CHD3: variants seen among roughly 807,000 people sequenced by gnomAD.
CHD3 encodes the protein ATP-dependent chromatin remodeler CHD3.
In CHD3, 52 loss-of-function variants were observed where a neutral mutation model predicts 248.9. The ratio of observed to expected loss-of-function variants is 0.21; its 90% CI spans 0.17 to 0.26. CHD3 has a LOEUF of 0.26. Ranked by LOEUF, CHD3 falls within the 10% of genes least tolerant of loss-of-function variation. The probability of loss-of-function intolerance (pLI) is 1.00; values close to 1 mark genes in which losing one functional copy is unlikely to be tolerated. For synonymous variants in CHD3, 985 were observed against 985.2 expected (o/e 1.00, Z 0.00); for missense variants, 1,482 against 2,605.8 (o/e 0.57, Z 9.39).
chr17:7,891,196 C>T (rs1750618872), intron 4 of CHD3, 132 bp downstream of exon 4: 2 of 1,075,296 alleles, frequency 1.9e-6, no homozygotes, highest in African/African-American at 3.2e-5. Context: ...CCAAATTCTA[C>T]ACGTCATTTC....
intron 10 of CHD3, among the ~76,000 whole-genome samples, chr17:7,896,227 CAAAAAAAAAAAAA>C (rs750972677): frequency 3.5e-5 from 2 of 57,928 alleles, no homozygotes; most frequent in South Asian, 6.0e-4. Flanking sequence ...CACTCTATCT[CAAAAAAAAAAAAA>C]AAAAAAAAAA....
chr17:7,906,479 C>G lies in CHD3; in HGVS notation c.4359-74C>G. 6.5e-7 allele frequency: 1 copy of G among 1,531,858 alleles called. No homozygotes were observed. Among genetic ancestry groups the G allele is most frequent in the African/African-American group, 1.4e-5 (1 of 73,006 alleles). The allele number at this position is 1,531,858 out of a possible 1,614,324, so 94.9% of individuals were successfully genotyped here. A position where few individuals can be genotyped will look rare whatever the true frequency, so the allele number is the denominator to read the frequency against. On this transcript the variant is annotated intron_variant, in intron 28 of 39. Transcript: ENST00000330494. This position sits in a 1 kb window ranked among gnomAD's most constrained non-coding sequence, Gnocchi z 5.0. ...TGGGGGTTTGGGGGTCCTCAGTCAT[C>G]CTCGCGCCTCCCTCACTGCCCTATA... is the stretch of plus-strand genomic sequence containing the variant.
In CHD3 at chr17:7,905,182, T is replaced by C. The variant is rs377142121; in HGVS notation, c.4138+17T>C. Reference sequence around the variant, plus strand: ...GTCCTGAAGGTGGCATCTGTGTTCCTGACTCTACCTCACCTCTTCCCGTTT... The same window carrying C: ...GTCCTGAAGGTGGCATCTGTGTTCCCGACTCTACCTCACCTCTTCCCGTTT... On this transcript the variant is annotated intron_variant, in intron 26 of 39. Coordinates refer to ENST00000330494, the MANE Select transcript of CHD3 (RefSeq NM_001005273.3). The surrounding 1 kb of genome is among the most constrained non-coding windows in gnomAD (Gnocchi z 5.8). The C allele has an allele frequency of 2.8e-5, 45 of 1,610,232 alleles. No homozygotes were observed. The Admixed American group carries it at 4.3e-4, about 16-fold the overall frequency.
At position 7,895,547 on chromosome 17, in the gene CHD3, T is replaced by C. The variant is rs1259066717; in HGVS notation, c.1707+5T>C. On this transcript the variant is annotated splice_donor_5th_base_variant and intron_variant, in intron 10 of 39. Coordinates refer to ENST00000330494, the MANE Select transcript of CHD3 (RefSeq NM_001005273.3). The surrounding 1 kb of genome is among the most constrained non-coding windows in gnomAD (Gnocchi z 4.9). The stretch of plus-strand genomic sequence containing the variant: ...TCCTGGGCCAAGGAGCTTCAGGTAC[T>C]AGGACCTTTTCTTTCCCTCTCCCCC... 4 of 1,613,010 alleles carry C rather than the reference T, an allele frequency of 2.5e-6. No homozygotes were observed. Among genetic ancestry groups the C allele is most frequent in the East Asian group, 4.5e-5 (2 of 44,878 alleles).
chr17:7,905,265 G>T lies in CHD3; in HGVS notation c.4138+100G>T. 10 of 1,143,440 alleles carry T rather than the reference G, an allele frequency of 8.7e-6. No individual in the cohort carries two copies. The highest frequency in any genetic ancestry group is 1.2e-5 in the Non-Finnish European group (9 of 761,052). 70.8% of individuals were successfully genotyped at this position (1,143,440 alleles called of 1,614,324 possible). Reference sequence around the variant, plus strand: ...TATACAAGTAAAAAAGTCTTCGTGTGTGTGTGGAAAAACTCGATTGCAGAT... The same window carrying T: ...TATACAAGTAAAAAAGTCTTCGTGTTTGTGTGGAAAAACTCGATTGCAGAT... On this transcript the variant is annotated intron_variant, in intron 26 of 39. Transcript: ENST00000330494. This position sits in a 1 kb window ranked among gnomAD's most constrained non-coding sequence, Gnocchi z 5.8.
rs777609556 is a variant in CHD3, at chr17:7,906,189, G to A, written c.4358+200G>A. 2 of 869,652 alleles carry A rather than the reference G, an allele frequency of 2.3e-6. No individual in the cohort carries two copies. The highest frequency in any genetic ancestry group is 3.9e-6 in the Non-Finnish European group (2 of 515,232). The allele number at this position is 869,652 out of a possible 1,614,324, so 53.9% of individuals were successfully genotyped here. A position where few individuals can be genotyped will look rare whatever the true frequency, so the allele number is the denominator to read the frequency against. On this transcript the variant is annotated intron_variant, in intron 28 of 39. Transcript: ENST00000330494. This position sits in a 1 kb window ranked among gnomAD's most constrained non-coding sequence, Gnocchi z 5.0. ...CCCTCAGCCGAGCCTAGAGTAGAGGGGCCAGGCATCCTCCCCAGGGGAGGG... is the reference window on the plus strand; with the variant it reads ...CCCTCAGCCGAGCCTAGAGTAGAGGAGCCAGGCATCCTCCCCAGGGGAGGG...
chr17:7,885,319 GCCGCCGCCGCCGCCGCCGCCGCCGCCA>G (rs1251885467), upstream of CHD3: 10 of 153,426 alleles, frequency 6.5e-5, no homozygotes, highest in Admixed American at 4.7e-4. Flanking sequence ...CGCCGCCGCC[GCCGCCGCCGCCGCCGCCGCCGCCGCCA>G]CCCCGGCTGG....
chr17:7,898,556 G>A lies in CHD3; in HGVS notation c.2112G>A (p.Glu704=). 6.2e-7 allele frequency: 1 copy of A among 1,614,062 alleles called. No homozygotes were observed. Among genetic ancestry groups the A allele is most frequent in the Non-Finnish European group, 8.5e-7 (1 of 1,179,952 alleles). ...QPRKYKKKKK[E]LQGDGPPSSP... The stretch of plus-strand genomic sequence containing the variant: ...GCAAGTATAAGAAGAAGAAGAAGGA[G>A]CTACAGGGTGATGGGCCTCCCAGTT... Residue 704 remains glutamate, a synonymous_variant, in exon 13 of 40, where the codon GAG becomes GAA. Transcript: ENST00000330494.
In CHD3 at chr17:7,903,692, AC is replaced by A. The variant is rs1190059555; in HGVS notation, c.3728-131del. 2.7e-6 allele frequency: 3 copies of A among 1,126,562 alleles called. No homozygotes were observed. Among genetic ancestry groups the A allele is most frequent in the African/African-American group, 3.2e-5 (2 of 63,442 alleles). 69.8% of individuals were successfully genotyped at this position (1,126,562 alleles called of 1,614,324 possible). On this transcript the variant is annotated intron_variant, in intron 23 of 39. Transcript: ENST00000330494. The surrounding 1 kb of genome is among the most constrained non-coding windows in gnomAD (Gnocchi z 6.8). ...TAGGGTTAAAACAAACAAAACAAAA[AC>A]CTTTCAACATTGGCTCCCGGGGAAA...
chr17:7,896,983 C>G, intron 10 of CHD3, 100 bp from the exon 11 acceptor site: 1 of 969,744 alleles, frequency 1.0e-6, no homozygotes, highest in East Asian at 2.5e-5. Context: ...TCATAGCTCC[C>G]TTTCCCTGTC....
Position 7,909,024 on chromosome 17 carries a change from C to G in CHD3, c.5395-119C>G. On this transcript the variant is annotated intron_variant, in intron 36 of 39. Transcript: ENST00000330494. This position sits in a 1 kb window ranked among gnomAD's most constrained non-coding sequence, Gnocchi z 8.1. ...TGCTAGGTTCGCAGTCGGTTTGGAG[C>G]TGGGAGTGCCCTGGGCCAGCAGTGA... 1.4e-6 allele frequency: 2 copies of G among 1,439,568 alleles called. No homozygotes were observed. The highest frequency in any genetic ancestry group is 2.6e-5 in the South Asian group (2 of 76,458). The allele number at this position is 1,439,568 out of a possible 1,614,324, so 89.2% of individuals were successfully genotyped here.
chr17:7,901,762 C>T (rs560445269), intron 20 of CHD3, among the ~76,000 whole-genome samples: 4 of 152,138 alleles, frequency 2.6e-5, no homozygotes, highest in South Asian at 2.1e-4. Context: ...CTGCCCGCCT[C>T]GGTCTCCCAA....
At position 7,889,862 on chromosome 17, in the gene CHD3, G is replaced by A; in HGVS notation, c.213+86G>A. 3.8e-6 allele frequency: 5 copies of A among 1,323,118 alleles called. No homozygotes were observed. The highest frequency in any genetic ancestry group is 5.3e-6 in the Non-Finnish European group (5 of 944,962). 82.0% of individuals were successfully genotyped at this position (1,323,118 alleles called of 1,614,324 possible). A position where few individuals can be genotyped will look rare whatever the true frequency, so the allele number is the denominator to read the frequency against. ...ACATTTTCTCTGGTCCTGATTACTG[G>A]TGTGGGGGTGGGGTTCTGAAGCCAG... On this transcript the variant is annotated intron_variant, in intron 2 of 39. Transcript: ENST00000330494. The surrounding 1 kb of genome is among the most constrained non-coding windows in gnomAD (Gnocchi z 4.5).
At position 7,910,888 on chromosome 17, in the gene CHD3, G is replaced by A. The variant is rs752811295; in HGVS notation, c.5796G>A (p.Gly1932=). 43 of 1,612,880 alleles carry A rather than the reference G, an allele frequency of 2.7e-5. No individual in the cohort carries two copies. The highest frequency in any genetic ancestry group is 2.1e-5 in the Non-Finnish European group (25 of 1,179,678). Residue 1932 remains glycine, a synonymous_variant, in exon 39 of 40, where the codon GGG becomes GGA. Coordinates refer to ENST00000330494, the MANE Select transcript of CHD3 (RefSeq NM_001005273.3). The surrounding 1 kb of genome is among the most constrained non-coding windows in gnomAD (Gnocchi z 4.7). ...PGPYATPPGY[G]AAFSAAPVGA... is the part of the protein sequence containing the mutation. ...CCTACGCTACACCTCCGGGGTACGG[G>A]GCGGCCTTCAGCGCCGCACCCGTAG... is the stretch of plus-strand genomic sequence containing the variant.
At chr17:7,885,096 C>A, upstream of CHD3, 4 of 964,064 alleles carry the variant, frequency 4.1e-6, no homozygotes, top group Non-Finnish European at 4.9e-6. Context: ...AAGCGCCCGC[C>A]CCGACTCCCC....
In CHD3 at chr17:7,904,661, A is replaced by G; in HGVS notation, c.4072+42A>G. 6.4e-7 allele frequency: 1 copy of G among 1,569,616 alleles called. No individual in the cohort carries two copies. The highest frequency in any genetic ancestry group is 1.1e-5 in the South Asian group (1 of 88,420). On this transcript the variant is annotated intron_variant, in intron 25 of 39. Coordinates refer to ENST00000330494, the MANE Select transcript of CHD3 (RefSeq NM_001005273.3). This position sits in a 1 kb window ranked among gnomAD's most constrained non-coding sequence, Gnocchi z 4.4. The stretch of plus-strand genomic sequence containing the variant: ...ATGCAGGCAGTAAAGGGGGGAAGTG[A>G]TGATGAGTAGGGACTTGAAGGCTGG...
At chr17:7,886,769 G>C (rs1036339391), upstream of CHD3, among the ~76,000 whole-genome samples, 2 of 152,142 alleles carry the variant, frequency 1.3e-5, no homozygotes, top group Non-Finnish European at 2.9e-5. The surrounding 1 kb of genome is among the most constrained non-coding windows in gnomAD (Gnocchi z 4.2). Context: ...GGTCCTGCCA[G>C]GGGCTTGGCA....
In CHD3 at chr17:7,904,626, A is replaced by G. The variant is rs765001803; in HGVS notation, c.4072+7A>G. The G allele has an allele frequency of 1.2e-6, 2 of 1,610,972 alleles. No individual in the cohort carries two copies. The highest frequency in any genetic ancestry group is 3.3e-5 in the Admixed American group (2 of 59,922). ...GCTGCTCAGGAAGACCAAGGTGAGG[A>G]CTGCCCCAGATGCAGGCAGTAAAGG... On this transcript the variant is annotated splice_region_variant and intron_variant, in intron 25 of 39. Coordinates refer to ENST00000330494, the MANE Select transcript of CHD3 (RefSeq NM_001005273.3). The surrounding 1 kb of genome is among the most constrained non-coding windows in gnomAD (Gnocchi z 4.4).
At chr17:7,887,014 T>G (rs938059984), upstream of CHD3, among the ~76,000 whole-genome samples, 5 of 152,178 alleles carry the variant, frequency 3.3e-5, no homozygotes, top group African/African-American at 1.2e-4. Flanking sequence ...TGGGCAATTT[T>G]TATCTCCCTT....
Sources: allele counts gnomAD v4.1 joint callset (sites outside exome capture counted in the v4.1 genomes callset), GRCh38; gene constraint gnomAD v4.1.1; non-coding constraint Gnocchi (gnomAD v3.1); transcripts MANE v1.5; gene names NCBI Gene and HGNC (gene_info 2026-07-23, HGNC 2026-07-21).